The following COL25A1 variants were observed in gnomAD, a reference collection of about 807,000 sequenced individuals.
COL25A1 encodes the protein collagen alpha-1(XXV) chain.
Under a neutral mutation model 128.4 loss-of-function variants are expected in COL25A1, and 103 were observed. The ratio of observed to expected loss-of-function variants is 0.80; its 90% CI spans 0.68 to 0.94. The LOEUF (loss-of-function observed/expected upper bound fraction) is 0.94, where lower values mean the gene tolerates loss of function less well. Ranked by LOEUF, COL25A1 falls within the 40% of genes least tolerant of loss-of-function variation. The pLI, the probability that COL25A1 is intolerant of heterozygous loss-of-function variation, is 0.00. For missense variants in COL25A1, 745 were observed against 840.0 expected (o/e 0.89, Z 1.40); for synonymous variants, 279 against 277.2 (o/e 1.01, Z -0.06).
intron 3 of COL25A1, among the ~76,000 whole-genome samples, chr4:109,204,654 C>G (rs767757661): frequency 4.5e-4 from 69 of 152,260 alleles, no homozygotes; most frequent in Non-Finnish European, 8.8e-4. Context: ...CTTACAGACA[C>G]AGCATGACTA....
Position 108,899,154 on chromosome 4 carries a change from C to A in COL25A1, c.861G>T (p.Lys287Asn). Residue 287 changes from lysine to asparagine, a missense_variant and splice_region_variant, in exon 15 of 38, where the codon AAG becomes AAT. Lys to Asn is a moderately conservative substitution (Grantham distance 94). Transcript: ENST00000399132. ...PKGEPGEQGEKGDAGENGPKG... is the reference protein window; with the variant it reads ...PKGEPGEQGENGDAGENGPKG... ...GAAATACAGGCAGAATCATTCTTAC[C>A]TTTTCACCTTGTTCTCCAGGTTCTC... 6.2e-7 allele frequency: 1 copy of A among 1,609,574 alleles called. No homozygotes were observed. Among genetic ancestry groups the A allele is most frequent in the Admixed American group, 1.7e-5 (1 of 59,550 alleles).
chr4:109,242,994 A>G (rs188569989), intron 3 of COL25A1, among the ~76,000 whole-genome samples: 5 of 152,232 alleles, frequency 3.3e-5, no homozygotes, highest in Middle Eastern at 3.4e-3. Context: ...GCTGGACATT[A>G]TATCTCCAGA....
chr4:108,990,376 A>C (rs13139712), intron 6 of COL25A1, among the ~76,000 whole-genome samples: 116,551 of 149,446 alleles, frequency 0.78, 46,847 homozygotes, highest in East Asian at 0.93. Flanking sequence ...AATATTTCAA[A>C]GTGAATTAAT....
chr4:108,905,152 G>T lies in COL25A1; in HGVS notation c.781-3980C>A, dbSNP rs1420319063. ...TGGAAATTGGAATGAGAATGGAATGGACCTATACGTTATACCTGGAAAATG... is the reference window on the plus strand; with the variant it reads ...TGGAAATTGGAATGAGAATGGAATGTACCTATACGTTATACCTGGAAAATG... On this transcript the variant is annotated intron_variant, in intron 13 of 37. Coordinates refer to ENST00000399132, the MANE Select transcript of COL25A1 (RefSeq NM_198721.4). 2.0e-5 allele frequency among the ~76,000 whole-genome samples: 3 copies of T among 152,204 alleles called. No homozygotes were observed. In the East Asian group the frequency reaches 5.8e-4, roughly 29 times the overall value.
chr4:108,899,123 G>A, intron 15 of COL25A1, 31 bp downstream of exon 15: 1 of 1,603,522 alleles, frequency 6.2e-7, no homozygotes, highest in Non-Finnish European at 8.5e-7. Flanking sequence ...GGGGAGTAGG[G>A]AGAGAGAAAT....
At chr4:109,255,834 C>T (rs188058364) in intron 3 of COL25A1, among the ~76,000 whole-genome samples, 20 of 152,294 alleles carry the variant, frequency 1.3e-4, no homozygotes, top group Admixed American at 1.1e-3. Flanking sequence ...TCCAACAAAA[C>T]TTGCTTTGAG....
At chr4:108,947,745 C>T (rs529602869) in intron 8 of COL25A1, among the ~76,000 whole-genome samples, 26 of 152,216 alleles carry the variant, frequency 1.7e-4, no homozygotes, top group African/African-American at 4.8e-4. Context: ...CCTAAATGCA[C>T]ATAAATAACT....
At chr4:109,103,580 T>C (rs1006740700) in intron 3 of COL25A1, among the ~76,000 whole-genome samples, 14 of 152,186 alleles carry the variant, frequency 9.2e-5, no homozygotes, top group Admixed American at 7.2e-4. Context: ...TTCAAAGTAA[T>C]TTTTTTCTTC....
intron 3 of COL25A1, among the ~76,000 whole-genome samples, chr4:109,088,630 A>T (rs975747066): frequency 6.6e-6 from 1 of 152,222 alleles, no homozygotes; most frequent in Non-Finnish European, 1.5e-5. Context: ...AATGATAACG[A>T]TCAATTAGCA....
chr4:108,845,419 T>G (rs1734973122), intron 28 of COL25A1, among the ~76,000 whole-genome samples, 168 bp from the exon 29 acceptor site: 1 of 152,196 alleles, frequency 6.6e-6, no homozygotes, highest in Non-Finnish European at 1.5e-5. Context: ...AATAGCAAGC[T>G]TATTAAAATC....
At position 109,097,399 on chromosome 4, in the gene COL25A1, G is replaced by A. The variant is rs1765487642; in HGVS notation, c.368-47220C>T. On this transcript the variant is annotated intron_variant, in intron 3 of 37. Coordinates refer to ENST00000399132, the MANE Select transcript of COL25A1 (RefSeq NM_198721.4). ...GCAGGAGGGTCACTTGAGACCAGGA[G>A]TTTGAGACAAGCCTGGGCAACATGG... 6.7e-5 allele frequency among the ~76,000 whole-genome samples: 10 copies of A among 148,260 alleles called. No homozygotes were observed. The South Asian group carries it at 2.2e-3, about 33-fold the overall frequency.
chr4:109,232,464 C>A (rs1338487957), intron 3 of COL25A1, among the ~76,000 whole-genome samples: 2 of 152,104 alleles, frequency 1.3e-5, no homozygotes, highest in Non-Finnish European at 2.9e-5. Flanking sequence ...TCACTGTCTT[C>A]AACAGAAAGA....
chr4:108,983,147 A>G (rs551085000), intron 6 of COL25A1, among the ~76,000 whole-genome samples: 29 of 151,848 alleles, frequency 1.9e-4, no homozygotes, highest in Admixed American at 9.2e-4. Context: ...CTTGCCTCAC[A>G]TGTTTTAAGA....
chr4:109,098,572 T>C (rs904205217), intron 3 of COL25A1, among the ~76,000 whole-genome samples: 2 of 152,244 alleles, frequency 1.3e-5, no homozygotes, highest in East Asian at 1.9e-4. Flanking sequence ...CTCTGGATGA[T>C]AATTAAATCT....
chr4:108,985,392 C>T (rs1228358538), intron 6 of COL25A1, among the ~76,000 whole-genome samples: 5 of 152,218 alleles, frequency 3.3e-5, no homozygotes, highest in Non-Finnish European at 7.3e-5. Context: ...TTGCCCATTA[C>T]TCCCTCATTT....
chr4:109,128,282 C>A (rs908986692), intron 3 of COL25A1, among the ~76,000 whole-genome samples: 1 of 152,180 alleles, frequency 6.6e-6, no homozygotes, highest in Non-Finnish European at 1.5e-5. Flanking sequence ...TAAACTCTGG[C>A]CACCATTCCT....
intron 3 of COL25A1, among the ~76,000 whole-genome samples, chr4:109,258,460 G>A (rs761667925): frequency 1.3e-5 from 2 of 151,966 alleles, no homozygotes; most frequent in Non-Finnish European, 2.9e-5. Context: ...ATAAATAACA[G>A]TATGTACTTC....
chr4:109,118,282 T>C (rs1312005451), intron 3 of COL25A1, among the ~76,000 whole-genome samples: 2 of 151,890 alleles, frequency 1.3e-5, no homozygotes, highest in Non-Finnish European at 1.5e-5. Context: ...TAGTGATCTA[T>C]TGCACTGCAT....
At chr4:108,822,536 C>T (rs1731905895) in intron 35 of COL25A1, among the ~76,000 whole-genome samples, 1 of 152,136 alleles carries the variant, frequency 6.6e-6, no homozygotes. Context: ...CCCACCTCAG[C>T]CTCTGGAGTA....
Sources: gnomAD v4.1 joint callset for allele counts (sites outside exome capture counted in the v4.1 genomes callset) on GRCh38, gnomAD v4.1.1 for gene constraint, MANE v1.5 for transcripts, NCBI Gene and HGNC (gene_info 2026-07-23, HGNC 2026-07-21) for gene names.